The following MYCBP2 variants were observed in gnomAD, a reference collection of about 807,000 sequenced individuals.
MYCBP2 encodes E3 ubiquitin-protein ligase MYCBP2.
MYCBP2 carries 120 observed loss-of-function variants against 525.3 expected under a neutral mutation model. The observed-to-expected ratio is 0.23, with a 90% CI of 0.20 to 0.27. MYCBP2 has a LOEUF of 0.27. MYCBP2 is among the 10% of genes least tolerant of loss of function. The pLI is 1.00. For missense variants in MYCBP2, 4,149 were observed against 5,657.1 expected (o/e 0.73, Z 8.55); for synonymous variants, 1,894 against 1,955.8 (o/e 0.97, Z 0.83).
chr13:77,182,471 T>C (rs957617838), intron 32 of MYCBP2, among the ~76,000 whole-genome samples: 3 of 152,204 alleles, frequency 2.0e-5, no homozygotes, highest in African/African-American at 4.8e-5. Flanking sequence ...ATTCACAAAA[T>C]TGTGTACACA....
At chr13:77,291,721 C>T (rs2077496633) in intron 2 of MYCBP2, among the ~76,000 whole-genome samples, 1 of 151,098 alleles carries the variant, frequency 6.6e-6, no homozygotes, top group African/African-American at 2.4e-5. Context: ...GAGCCGAGAT[C>T]GTGCCATTGC....
At chr13:77,157,886 G>A (rs1011229703) in intron 45 of MYCBP2, 51 bp downstream of exon 45, 6 of 1,433,540 alleles carry the variant, frequency 4.2e-6, no homozygotes, top group Non-Finnish European at 5.7e-6. Context: ...TTTCAGAAAT[G>A]AAGAAAGATG....
intron 55 of MYCBP2, among the ~76,000 whole-genome samples, chr13:77,119,659 T>C (rs999174920): frequency 1.3e-5 from 2 of 152,228 alleles, no homozygotes; most frequent in Admixed American, 6.5e-5. Context: ...AAGTTTCTTA[T>C]TATTTCTTTG....
chr13:77,067,327 G>C (rs1334534521), intron 71 of MYCBP2, among the ~76,000 whole-genome samples: 2 of 152,090 alleles, frequency 1.3e-5, no homozygotes, highest in Non-Finnish European at 2.9e-5. Context: ...TATGGTGAGA[G>C]GTAGGTATCT....
chr13:77,098,160 C>T lies in MYCBP2; in HGVS notation c.8994G>A (p.Arg2998=). The change falls in exon 56 of 83, where the codon AGG becomes AGA. Residue 2998 remains arginine (R), a synonymous_variant. Coordinates refer to ENST00000544440, the MANE Select transcript of MYCBP2 (RefSeq NM_015057.5). ...GAAAACTCGATTTTTCTTTTTTGGG[C>T]CTGGTGTGTCTATTAGCACATTTTC... is the stretch of plus-strand genomic sequence containing the variant. The part of the protein sequence containing the change: ...ISRKCANRHT[R]PKKEKSSFLF... 6.2e-7 allele frequency: 1 copy of T among 1,613,590 alleles called. No homozygotes were observed.
At chr13:77,139,097 T>C (rs2154181413) in intron 52 of MYCBP2, 99 bp downstream of exon 52, 2 of 1,293,032 alleles carry the variant, frequency 1.5e-6, no homozygotes, top group East Asian at 4.7e-5. Flanking sequence ...GGTTACTTAG[T>C]TGTGGGTTAC....
chr13:77,068,259 G>GA (rs888318899), intron 70 of MYCBP2, among the ~76,000 whole-genome samples: 2 of 151,566 alleles, frequency 1.3e-5, no homozygotes, highest in Middle Eastern at 3.4e-3. Context: ...AAGGCAGCAC[G>GA]AAAAAAAATA....
At chr13:77,133,200 C>T (rs1308256664) in intron 52 of MYCBP2, among the ~76,000 whole-genome samples, 2 of 152,148 alleles carry the variant, frequency 1.3e-5, no homozygotes, top group Non-Finnish European at 2.9e-5. Context: ...ACCAGCTCCA[C>T]TACTTTCTAC....
In MYCBP2 at chr13:77,090,186, G is replaced by A; in HGVS notation, c.10445C>T (p.Ser3482Phe). Residue 3482 changes from serine (S) to phenylalanine (F), a missense_variant, in exon 60 of 83, where the codon TCC (serine) becomes TTC (phenylalanine). Around this residue, in one of 21 missense-constraint regions of MYCBP2, gnomAD observed 509 missense variants for 789.4 expected, o/e 0.64. Transcript: ENST00000544440. Reference sequence around the variant, plus strand: ...AATGGAGTGTTGTTTATCATATTCGGAAGCAACAACTGAGTATGATCTTTG... The same window carrying A: ...AATGGAGTGTTGTTTATCATATTCGAAAGCAACAACTGAGTATGATCTTTG... ...VFQRSYSVVA[S>F]EYDKQHSILP... 1 of 1,612,674 alleles carries A rather than the reference G, an allele frequency of 6.2e-7. No homozygotes were observed. The highest frequency in any genetic ancestry group is 1.3e-5 in the African/African-American group (1 of 74,908).
intron 1 of MYCBP2, among the ~76,000 whole-genome samples, chr13:77,320,016 T>C (rs755639553): frequency 1.8e-4 from 28 of 151,820 alleles, no homozygotes; most frequent in Non-Finnish European, 3.8e-4. Flanking sequence ...GAGGAAGGAG[T>C]TGATCTGCAA....
At chr13:77,110,171 A>C (rs2048561984) in intron 55 of MYCBP2, 2 of 152,452 alleles carry the variant, frequency 1.3e-5, no homozygotes, top group East Asian at 3.8e-4. Flanking sequence ...CTATAAACAG[A>C]TGTGCAAGTA....
At position 77,125,488 on chromosome 13, in the gene MYCBP2, A is replaced by C; in HGVS notation, c.7885-20T>G. On this transcript the variant is annotated intron_variant, in intron 53 of 82. Transcript: ENST00000544440. ...GGTTACCTGGTACATAACAAAAAGC[A>C]TGATTGATTGGCTTGATTCTTTCAG... 6.2e-7 allele frequency: 1 copy of C among 1,612,216 alleles called. No individual in the cohort carries two copies. Among genetic ancestry groups the C allele is most frequent in the Non-Finnish European group, 8.5e-7 (1 of 1,179,170 alleles).
rs192103918 is a variant in MYCBP2 at position 77,151,448 on chromosome 13, C to T, written c.6916-499G>A. 7.9e-5 allele frequency among the ~76,000 whole-genome samples: 12 copies of T among 152,216 alleles called. No homozygotes were observed. The East Asian group carries it at 2.3e-3, about 29-fold the overall frequency. On this transcript the variant is annotated intron_variant, in intron 46 of 82. Transcript: ENST00000544440. ...TAAAACAAATCTTATACCTAAAGCCCAAATATGTTTCTTTACTCGGGTGAA... is the reference window on the plus strand; with the variant it reads ...TAAAACAAATCTTATACCTAAAGCCTAAATATGTTTCTTTACTCGGGTGAA...
intron 55 of MYCBP2, among the ~76,000 whole-genome samples, chr13:77,119,628 T>TAA (rs2154155716): frequency 6.6e-6 from 1 of 152,282 alleles, no homozygotes; most frequent in South Asian, 2.1e-4. Context: ...ATAATAAAGT[T>TAA]AGATATATTT....
At chr13:77,194,906 A>C (rs528550118) in intron 26 of MYCBP2, among the ~76,000 whole-genome samples, 53 of 152,282 alleles carry the variant, frequency 3.5e-4, no homozygotes, top group African/African-American at 1.2e-3. Flanking sequence ...AATGGCTCTT[A>C]AAAAAGAGGG....
intron 52 of MYCBP2, among the ~76,000 whole-genome samples, chr13:77,131,766 G>A (rs1214569260): frequency 6.6e-6 from 1 of 151,916 alleles, no homozygotes; most frequent in Non-Finnish European, 1.5e-5. Flanking sequence ...TATTTTAAAG[G>A]CAGAAAAGTT....
chr13:77,242,980 T>C, intron 17 of MYCBP2, 79 bp downstream of exon 17: 1 of 1,168,774 alleles, frequency 8.6e-7, no homozygotes, highest in Non-Finnish European at 1.3e-6. Flanking sequence ...ATTAGTTTAT[T>C]GTGTGAACTT....
chr13:77,099,455 C>T (rs928631073), intron 55 of MYCBP2: 12 of 187,810 alleles, frequency 6.4e-5, no homozygotes, highest in South Asian at 2.0e-4. Flanking sequence ...CTTAGGGCAA[C>T]GGTATGGGTT....
In MYCBP2 at chr13:77,165,482, C is replaced by T. The variant is rs985183553; in HGVS notation, c.6341-91G>A. 3 of 934,048 alleles carry T rather than the reference C, an allele frequency of 3.2e-6. No individual in the cohort carries two copies. In the African/African-American group the frequency reaches 5.0e-5, roughly 16 times the overall value. The allele number at this position is 934,048 out of a possible 1,614,324, so 57.9% of individuals were successfully genotyped here. On this transcript the variant is annotated intron_variant, in intron 41 of 82. Coordinates refer to ENST00000544440, the MANE Select transcript of MYCBP2 (RefSeq NM_015057.5). ...ATCCAATGGACTTTCTCTTTTATCA[C>T]AAGATAGGTAAAAACACAAATCATA... is the stretch of plus-strand genomic sequence containing the variant.
Sources: allele counts gnomAD v4.1 joint callset (sites outside exome capture counted in the v4.1 genomes callset), GRCh38; gene constraint gnomAD v4.1.1; regional missense constraint gnomAD v4.1.1; transcripts MANE v1.5; gene names NCBI Gene and HGNC (gene_info 2026-07-23, HGNC 2026-07-21).